The following RORA variants were observed in gnomAD, a reference collection of about 807,000 sequenced individuals.
RORA encodes the protein RAR related orphan receptor A.
Under a neutral mutation model 69.5 loss-of-function variants are expected in RORA, and 7 were observed. The ratio of observed to expected loss-of-function variants is 0.10; its 90% CI spans 0.06 to 0.19. The LOEUF (loss-of-function observed/expected upper bound fraction) is 0.19, where lower values mean the gene tolerates loss of function less well. Ranked by LOEUF, RORA falls within the 10% of genes least tolerant of loss-of-function variation. The probability of loss-of-function intolerance (pLI) is 1.00; values close to 1 mark genes in which losing one functional copy is unlikely to be tolerated. For missense variants in RORA, 457 were observed against 663.0 expected, an observed-to-expected ratio of 0.69 and a Z score of 3.41; for synonymous variants, 261 against 240.8, an observed-to-expected ratio of 1.08 and a Z score of -0.78.
At chr15:60,949,729 T>G (rs1429173026) in intron 1 of RORA, among the ~76,000 whole-genome samples, 5 of 152,240 alleles carry the variant, frequency 3.3e-5, no homozygotes. Flanking sequence ...CCCACATATC[T>G]TTAGCATTAC....
intron 1 of RORA, among the ~76,000 whole-genome samples, chr15:61,103,356 C>T (rs2078907662): frequency 6.6e-6 from 1 of 152,204 alleles, no homozygotes; most frequent in Admixed American, 6.5e-5. Flanking sequence ...TAGGGTTATC[C>T]AGGACCTCAT....
chr15:61,029,605 T>C (rs573458647), intron 1 of RORA, among the ~76,000 whole-genome samples: 1 of 152,192 alleles, frequency 6.6e-6, no homozygotes, highest in East Asian at 1.9e-4. Flanking sequence ...GGAGGTAGCA[T>C]GGATGGGCCG....
intron 2 of RORA, among the ~76,000 whole-genome samples, chr15:60,543,170 CTTTTTTTTTTTTTTTTTTTT>C (rs200401959): frequency 0.016 from 1,973 of 125,356 alleles, 64 homozygotes; most frequent in African/African-American, 0.058. Flanking sequence ...AAAGTGAAAA[CTTTTTTTTTTTTTTTTTTTT>C]TTTTTTTTTT....
At chr15:61,098,368 G>A (rs1306232169) in intron 1 of RORA, among the ~76,000 whole-genome samples, 2 of 149,744 alleles carry the variant, frequency 1.3e-5, no homozygotes, top group Non-Finnish European at 3.0e-5. Flanking sequence ...AAGAAACAAG[G>A]TCTGGCTTTG....
intron 1 of RORA, among the ~76,000 whole-genome samples, chr15:60,679,139 C>T (rs555661479): frequency 6.6e-6 from 1 of 152,142 alleles, no homozygotes; most frequent in Non-Finnish European, 1.5e-5. Context: ...GAAAACGACC[C>T]TTCCTCCTCC....
chr15:60,761,752 A>G (rs922783), intron 1 of RORA, among the ~76,000 whole-genome samples: 30,989 of 152,038 alleles, frequency 0.2, 3,685 homozygotes, highest in African/African-American at 0.34. Context: ...TCAAAACACT[A>G]TATGAGAATT....
At chr15:61,071,761 A>C (rs934697952) in intron 1 of RORA, among the ~76,000 whole-genome samples, 2 of 151,688 alleles carry the variant, frequency 1.3e-5, no homozygotes, top group Non-Finnish European at 1.5e-5. Context: ...TTCAGAACTG[A>C]GATGAAGGTT....
intron 1 of RORA, among the ~76,000 whole-genome samples, chr15:60,982,344 T>C (rs1894068807): frequency 6.6e-6 from 1 of 152,248 alleles, no homozygotes; most frequent in Non-Finnish European, 1.5e-5. Flanking sequence ...TAAGAACATG[T>C]AGGACCTTTT....
intron 1 of RORA, among the ~76,000 whole-genome samples, chr15:61,203,395 A>G (rs2085938145): frequency 6.6e-6 from 1 of 152,224 alleles, no homozygotes; most frequent in Admixed American, 6.5e-5. Flanking sequence ...TGATGGTTTC[A>G]TGAGTGTTTT....
chr15:61,049,606 C>T (rs751742168), intron 1 of RORA, among the ~76,000 whole-genome samples: 6 of 152,104 alleles, frequency 3.9e-5, no homozygotes, highest in Non-Finnish European at 8.8e-5. Flanking sequence ...TCCACACTTA[C>T]GGAAGTGGGG....
intron 2 of RORA, among the ~76,000 whole-genome samples, chr15:60,562,858 T>C (rs2067612325): frequency 6.6e-6 from 1 of 152,172 alleles, no homozygotes; most frequent in South Asian, 2.1e-4. Flanking sequence ...ATTACAGGCA[T>C]GAGCCACCAT....
intron 1 of RORA, among the ~76,000 whole-genome samples, chr15:60,970,480 A>G (rs4775337): frequency 0.99 from 150,367 of 152,258 alleles, 74,280 homozygotes; most frequent in Middle Eastern, 1. Context: ...ATGCAACAAG[A>G]CCTCGTTTCA....
At chr15:60,535,255 T>TAGTGGAA (rs1156665895) in intron 2 of RORA, among the ~76,000 whole-genome samples, 1 of 152,152 alleles carries the variant, frequency 6.6e-6, no homozygotes, top group Non-Finnish European at 1.5e-5. Flanking sequence ...AGCAAAGAGG[T>TAGTGGAA]TTATTGTGTA....
At chr15:61,145,432 C>T (rs1409614246) in intron 1 of RORA, among the ~76,000 whole-genome samples, 2 of 152,248 alleles carry the variant, frequency 1.3e-5, no homozygotes, top group African/African-American at 4.8e-5. Context: ...GTCCAGGCTA[C>T]ATCTAGATGT....
intron 1 of RORA, among the ~76,000 whole-genome samples, chr15:60,869,058 C>CA (rs2073523435): frequency 6.6e-6 from 1 of 152,152 alleles, no homozygotes; most frequent in Non-Finnish European, 1.5e-5. Context: ...GGCACCCCCC[C>CA]ATTATTTTAC....
rs547507929 is a variant in RORA at position 61,013,845 on chromosome 15, G to C, written c.166+215208C>G. Among the ~76,000 whole-genome samples, 119 of 136,678 alleles carry C rather than the reference G, an allele frequency of 8.7e-4. 2 individuals carry two copies. The highest frequency in any genetic ancestry group is 2.1e-4 in the Non-Finnish European group (14 of 65,804). The allele number at this position is 136,678 out of a possible 152,430, so 89.7% of individuals were successfully genotyped here. On this transcript the variant is annotated intron_variant, in intron 1 of 10. Coordinates refer to ENST00000335670, the MANE Select transcript of RORA (RefSeq NM_134261.3). ...GTTGCCCAGGCTGGAGTGCAGTGGC[G>C]CAATTTCGGCTCACTGCAAGCTCTG...
intron 2 of RORA, among the ~76,000 whole-genome samples, chr15:60,557,131 TCTA>T (rs1208637624): frequency 5.9e-5 from 9 of 152,230 alleles, no homozygotes; most frequent in African/African-American, 1.9e-4. Flanking sequence ...AGAAACTTGT[TCTA>T]CTACTATTTG....
chr15:60,513,480 G>A (rs1015862656), intron 4 of RORA, among the ~76,000 whole-genome samples: 6 of 152,184 alleles, frequency 3.9e-5, no homozygotes, highest in African/African-American at 1.4e-4. Context: ...ATTATATCCT[G>A]TAAGTGAAAT....
intron 1 of RORA, among the ~76,000 whole-genome samples, chr15:60,693,399 A>T (rs1426862305): frequency 6.6e-6 from 1 of 152,228 alleles, no homozygotes. Flanking sequence ...CAAGACAAGG[A>T]TGCCCTCTCT....
Sources: allele counts gnomAD v4.1 joint callset (sites outside exome capture counted in the v4.1 genomes callset), GRCh38; gene constraint gnomAD v4.1.1; transcripts MANE v1.5; gene names NCBI Gene and HGNC (gene_info 2026-07-23, HGNC 2026-07-21).